The following BBS9 variants were observed in gnomAD, a reference collection of about 807,000 sequenced individuals.
BBS9 encodes protein PTHB1.
In BBS9, 89 loss-of-function variants were observed where a neutral mutation model predicts 117.7. That is an observed-to-expected ratio of 0.76 (90% CI 0.64 to 0.90). BBS9 has a LOEUF of 0.90. Among genes scored for constraint, BBS9 ranks in the 40% least tolerant of loss-of-function variants. BBS9 has a pLI of 0.00. For synonymous variants in BBS9, 379 were observed against 370.9 expected (o/e 1.02, Z -0.25); for missense variants, 982 against 1,042.2 (o/e 0.94, Z 0.80).
intron 5 of BBS9, among the ~76,000 whole-genome samples, chr7:33,232,383 G>C (rs1278921772): frequency 2.6e-5 from 4 of 152,036 alleles, no homozygotes; most frequent in Admixed American, 2.6e-4. Context: ...GATATAAATA[G>C]AAATACATGT....
chr7:33,181,464 G>A (rs117251158), intron 5 of BBS9, among the ~76,000 whole-genome samples: 3,288 of 152,232 alleles, frequency 0.022, 42 homozygotes, highest in Non-Finnish European at 0.033. Context: ...TTTCACCTTT[G>A]CATTAGTACA....
At chr7:33,192,109 C>T (rs1784215596) in intron 5 of BBS9, among the ~76,000 whole-genome samples, 1 of 152,114 alleles carries the variant, frequency 6.6e-6, no homozygotes, top group Non-Finnish European at 1.5e-5. Context: ...ATCTTACCAC[C>T]TAAAGGGCCC....
intron 20 of BBS9, among the ~76,000 whole-genome samples, chr7:33,521,145 C>T (rs546005425): frequency 5.9e-5 from 9 of 152,254 alleles, no homozygotes; most frequent in East Asian, 5.8e-4. Context: ...TCCAGGATCA[C>T]GTTTTATAAT....
intron 21 of BBS9, among the ~76,000 whole-genome samples, chr7:33,547,797 C>A (rs1853659412): frequency 6.6e-6 from 1 of 152,038 alleles, no homozygotes; most frequent in African/African-American, 2.4e-5. Flanking sequence ...GTTTCAAAAT[C>A]GTTTTGAAAG....
chr7:33,583,136 A>G (rs1860277486), intron 21 of BBS9, among the ~76,000 whole-genome samples: 1 of 152,142 alleles, frequency 6.6e-6, no homozygotes, highest in Non-Finnish European at 1.5e-5. Context: ...CTTTTTGACT[A>G]CTTCAGTGAC....
At chr7:33,504,117 T>G (rs1845825561) in intron 19 of BBS9, among the ~76,000 whole-genome samples, 1 of 152,228 alleles carries the variant, frequency 6.6e-6, no homozygotes, top group East Asian at 1.9e-4. Flanking sequence ...GTAGTTCTTT[T>G]GAATGTAATT....
chr7:33,364,587 C>T (rs1821283023), intron 16 of BBS9, among the ~76,000 whole-genome samples: 1 of 151,374 alleles, frequency 6.6e-6, no homozygotes, highest in Admixed American at 6.6e-5. Context: ...TTAATCAGTT[C>T]TATTTTTGAT....
chr7:33,449,801 C>T (rs1270183368), intron 19 of BBS9, among the ~76,000 whole-genome samples: 1 of 152,062 alleles, frequency 6.6e-6, no homozygotes, highest in African/African-American at 2.4e-5. Context: ...CATTCTTGGC[C>T]AATAACAGAG....
intron 5 of BBS9, 76 bp from the exon 6 acceptor site, chr7:33,257,160 T>C (rs1583917055): frequency 9.7e-7 from 1 of 1,032,468 alleles, no homozygotes; most frequent in East Asian, 2.8e-5. Context: ...GACATACATG[T>C]TGTAGATAGT....
chr7:33,388,958 T>A (rs959698803), intron 19 of BBS9, among the ~76,000 whole-genome samples: 1 of 152,196 alleles, frequency 6.6e-6, no homozygotes, highest in Non-Finnish European at 1.5e-5. Flanking sequence ...TTGAGTTTTT[T>A]AATTGAGATA....
chr7:33,423,989 T>C (rs769700311), intron 19 of BBS9, among the ~76,000 whole-genome samples: 106 of 152,176 alleles, frequency 7.0e-4, no homozygotes, highest in Middle Eastern at 3.2e-3. Context: ...AGGACACTTT[T>C]TGAGTTTTCA....
intron 21 of BBS9, among the ~76,000 whole-genome samples, chr7:33,565,813 A>ATACTGC (rs1856802862): frequency 1.7e-5 from 1 of 60,076 alleles, no homozygotes; most frequent in Non-Finnish European, 2.7e-5. Context: ...ATATATATAT[A>ATACTGC]TATATATATA....
At chr7:33,394,657 T>C (rs1827645792) in intron 19 of BBS9, among the ~76,000 whole-genome samples, 1 of 152,190 alleles carries the variant, frequency 6.6e-6, no homozygotes, top group Non-Finnish European at 1.5e-5. Flanking sequence ...AATGTAACCA[T>C]GTTGAGAATG....
downstream of BBS9, among the ~76,000 whole-genome samples, chr7:33,608,589 G>C (rs1000517975): frequency 6.6e-6 from 1 of 152,046 alleles, no homozygotes. Context: ...GGTGTGAGAG[G>C]GTGTCTCATT....
chr7:33,159,772 G>A (rs1183514221), intron 4 of BBS9, among the ~76,000 whole-genome samples: 1 of 152,196 alleles, frequency 6.6e-6, no homozygotes, highest in East Asian at 1.9e-4. Flanking sequence ...GCACTCTAGA[G>A]ATGGCTGCAT....
intron 1 of BBS9, among the ~76,000 whole-genome samples, chr7:33,133,663 A>G (rs979637774): frequency 6.6e-6 from 1 of 152,098 alleles, no homozygotes; most frequent in African/African-American, 2.4e-5. Context: ...ATAATATTCC[A>G]CTGTATGGAT....
At chr7:33,436,064 C>T (rs1329433760) in intron 19 of BBS9, among the ~76,000 whole-genome samples, 1 of 152,122 alleles carries the variant, frequency 6.6e-6, no homozygotes, top group African/African-American at 2.4e-5. Context: ...TGTAAAGTGC[C>T]GTGCAAGTGC....
chr7:33,310,844 C>A (rs1340087303), intron 9 of BBS9, among the ~76,000 whole-genome samples: 1 of 152,204 alleles, frequency 6.6e-6, no homozygotes, highest in East Asian at 1.9e-4. Flanking sequence ...TTATTTAACC[C>A]CCTTCTCTAT....
chr7:33,257,107 G>A (rs983939540), intron 5 of BBS9, 129 bp from the exon 6 acceptor site: 9 of 570,662 alleles, frequency 1.6e-5, no homozygotes, highest in Admixed American at 3.4e-5. Context: ...TTTTCACACC[G>A]AATGCTGCTT....
Sources: gnomAD v4.1 joint callset for allele counts (sites outside exome capture counted in the v4.1 genomes callset) on GRCh38, gnomAD v4.1.1 for gene constraint, MANE v1.5 for transcripts, NCBI Gene and HGNC (gene_info 2026-07-23, HGNC 2026-07-21) for gene names.